The following TMEM232 variants were observed in gnomAD, a reference collection of about 807,000 sequenced individuals.
TMEM232 encodes the protein transmembrane protein 232.
Under a neutral mutation model 78.8 loss-of-function variants are expected in TMEM232, and 80 were observed. The ratio of observed to expected loss-of-function variants is 1.01; its 90% CI spans 0.85 to 1.22. The LOEUF (loss-of-function observed/expected upper bound fraction) is 1.22. Ranked by LOEUF, TMEM232 falls within the 50% of genes most tolerant of loss-of-function variation. The probability of loss-of-function intolerance (pLI) is 0.00; values close to 1 mark genes in which losing one functional copy is unlikely to be tolerated. For synonymous variants in TMEM232, 297 were observed against 254.3 expected (o/e 1.17, Z -1.60); for missense variants, 881 against 742.2 (o/e 1.19, Z -2.17).
intron 13 of TMEM232, among the ~76,000 whole-genome samples, chr5:110,423,886 G>A (rs1756954879): frequency 6.6e-6 from 1 of 151,964 alleles, no homozygotes; most frequent in African/African-American, 2.4e-5. Flanking sequence ...GAAGTAATGA[G>A]TAGGAAAATA....
intron 12 of TMEM232, among the ~76,000 whole-genome samples, chr5:110,510,376 A>G (rs1350114780): frequency 6.6e-6 from 1 of 152,062 alleles, no homozygotes; most frequent in African/African-American, 2.4e-5. Flanking sequence ...CTCAGCCTGG[A>G]AAAAAAAGAA....
intron 12 of TMEM232, among the ~76,000 whole-genome samples, chr5:110,470,434 C>T (rs1762549136): frequency 6.6e-6 from 1 of 152,094 alleles, no homozygotes; most frequent in Admixed American, 6.6e-5. Context: ...GCTTCATAGC[C>T]ACTGTAAACA....
rs1278936876 is a variant in TMEM232 at position 110,401,283 on chromosome 5, C to CTTTTTTTTTTTTTTT, written n.309-3430_309-3429insAAAAAAAAAAAAAAA. 9.6e-3 allele frequency among the ~76,000 whole-genome samples: 1,371 copies of CTTTTTTTTTTTTTTT among 143,442 alleles called. 28 individuals carry two copies. The highest frequency in any genetic ancestry group is 0.035 in the African/African-American group (1,316 of 37,960). 94.1% of individuals were successfully genotyped at this position (143,442 alleles called of 152,430 possible). On this transcript the variant is annotated intron_variant and non_coding_transcript_variant, in intron 2 of 8. Coordinates refer to the TMEM232 transcript ENST00000507188. ...GGCAACTTGACACAGACACAACATT[C>CTTTTTTTTTTTTTTT]TTTTTTTTTTTGGAGCACTTAAGAT...
intron 1 of TMEM232, among the ~76,000 whole-genome samples, chr5:110,678,376 T>C (rs1175764446): frequency 1.3e-5 from 2 of 152,108 alleles, no homozygotes; most frequent in African/African-American, 4.8e-5. Flanking sequence ...GACTTTACTT[T>C]TTTAGAGCAG....
chr5:110,568,834 C>A (rs1189591699), intron 10 of TMEM232, among the ~76,000 whole-genome samples: 1 of 151,784 alleles, frequency 6.6e-6, no homozygotes, highest in East Asian at 1.9e-4. Context: ...TTTCTAACCA[C>A]ATGAAAAGAA....
At chr5:110,433,700 A>T (rs1175312225) in intron 12 of TMEM232, among the ~76,000 whole-genome samples, 1 of 151,860 alleles carries the variant, frequency 6.6e-6, no homozygotes, top group Non-Finnish European at 1.5e-5. Context: ...GGATTTTATC[A>T]AATGCATTTG....
At chr5:110,628,098 A>G (rs1467460543) in intron 5 of TMEM232, among the ~76,000 whole-genome samples, 1 of 152,126 alleles carries the variant, frequency 6.6e-6, no homozygotes, top group African/African-American at 2.4e-5. Context: ...TCTACACTAC[A>G]TATAATGACC....
intron 10 of TMEM232, among the ~76,000 whole-genome samples, chr5:110,599,531 G>C (rs990352028): frequency 6.6e-6 from 1 of 151,962 alleles, no homozygotes; most frequent in Non-Finnish European, 1.5e-5. Flanking sequence ...AGTCTCTGAT[G>C]AAACAGACTT....
At chr5:110,633,683 T>C (rs1785447943) in intron 5 of TMEM232, among the ~76,000 whole-genome samples, 1 of 152,178 alleles carries the variant, frequency 6.6e-6, no homozygotes, top group African/African-American at 2.4e-5. Context: ...TTGCCATGAT[T>C]GTTAAGTTTC....
At chr5:110,724,872 CT>C (rs983294912) in intron 1 of TMEM232, among the ~76,000 whole-genome samples, 1 of 151,728 alleles carries the variant, frequency 6.6e-6, no homozygotes, top group Non-Finnish European at 1.5e-5. Context: ...AACAAAAAAA[CT>C]TGCCATGTTA....
At chr5:110,611,167 T>C (rs1406351450) in intron 8 of TMEM232, among the ~76,000 whole-genome samples, 1 of 152,148 alleles carries the variant, frequency 6.6e-6, no homozygotes, top group East Asian at 1.9e-4. Context: ...GAACTCAAGA[T>C]TATATTAACA....
intron 1 of TMEM232, among the ~76,000 whole-genome samples, chr5:110,717,658 G>A (rs1797155803): frequency 6.6e-6 from 1 of 152,106 alleles, no homozygotes; most frequent in South Asian, 2.1e-4. Context: ...CTCACATGTT[G>A]AGAGAGGAAC....
At chr5:110,462,599 G>C (rs182441770) in intron 12 of TMEM232, among the ~76,000 whole-genome samples, 28 of 152,294 alleles carry the variant, frequency 1.8e-4, no homozygotes, top group African/African-American at 6.7e-4. Context: ...GCCACAGACT[G>C]AAGGCTGCAC....
chr5:110,515,860 T>C (rs1452934333), intron 12 of TMEM232, among the ~76,000 whole-genome samples: 2 of 152,186 alleles, frequency 1.3e-5, no homozygotes, highest in East Asian at 3.9e-4. Context: ...ATCTTCTGCC[T>C]AAATGACAAC....
At chr5:110,617,695 C>T (rs1284092066) in intron 8 of TMEM232, among the ~76,000 whole-genome samples, 1 of 152,048 alleles carries the variant, frequency 6.6e-6, no homozygotes, top group Non-Finnish European at 1.5e-5. Flanking sequence ...GTGGCTCACT[C>T]CTGTAATCCC....
chr5:110,683,359 T>C (rs1792989209), intron 1 of TMEM232, among the ~76,000 whole-genome samples: 1 of 151,882 alleles, frequency 6.6e-6, no homozygotes, highest in Admixed American at 6.6e-5. Context: ...TTTTAAGCAT[T>C]AAATTATAAA....
chr5:110,491,301 A>C (rs1416479828), intron 12 of TMEM232, among the ~76,000 whole-genome samples: 1 of 152,112 alleles, frequency 6.6e-6, no homozygotes, highest in Non-Finnish European at 1.5e-5. Flanking sequence ...GGTAGCTTTA[A>C]TTAAAAAGAC....
intron 2 of TMEM232, among the ~76,000 whole-genome samples, chr5:110,411,020 C>G (rs992742998): frequency 6.6e-6 from 1 of 152,182 alleles, no homozygotes; most frequent in South Asian, 2.1e-4. Flanking sequence ...CCCTCTCATA[C>G]TGGATAGGGG....
intron 12 of TMEM232, among the ~76,000 whole-genome samples, chr5:110,493,214 C>T (rs929012241): frequency 8.6e-5 from 13 of 151,522 alleles, no homozygotes; most frequent in Admixed American, 7.3e-4. Context: ...TGAAAAAACA[C>T]CATGTTCCTA....
Sources: gnomAD v4.1 joint callset for allele counts (sites outside exome capture counted in the v4.1 genomes callset) on GRCh38, gnomAD v4.1.1 for gene constraint, MANE v1.5 for transcripts, NCBI Gene and HGNC (gene_info 2026-07-23, HGNC 2026-07-21) for gene names.